The following KCNAB2 variants were observed in gnomAD, a reference collection of about 807,000 sequenced individuals.
KCNAB2 encodes the protein voltage-gated potassium channel subunit beta-2.
Under a neutral mutation model 63.6 loss-of-function variants are expected in KCNAB2, and 29 were observed. The ratio of observed to expected loss-of-function variants is 0.46; its 90% CI spans 0.34 to 0.62. The LOEUF is 0.62. KCNAB2 is among the 20% of genes least tolerant of loss of function. The pLI, the probability that KCNAB2 is intolerant of heterozygous loss-of-function variation, is 0.01. For synonymous variants in KCNAB2, 222 were observed against 224.2 expected (o/e 0.99, Z 0.09); for missense variants, 359 against 563.9 (o/e 0.64, Z 3.68).
chr1:6,046,840 G>T (rs896890586), intron 1 of KCNAB2, among the ~76,000 whole-genome samples: 2 of 152,200 alleles, frequency 1.3e-5, no homozygotes, highest in Non-Finnish European at 2.9e-5. Context: ...ATCTCAGGTT[G>T]TATGCTTTGT....
chr1:5,999,154 C>T (rs1657098105), intron 1 of KCNAB2, among the ~76,000 whole-genome samples: 1 of 152,258 alleles, frequency 6.6e-6, no homozygotes, highest in South Asian at 2.1e-4. Context: ...CGGGCTGGGG[C>T]TTAGCCTTGT....
At chr1:6,098,401 C>T (rs1394456394) in intron 15 of KCNAB2, 84 bp from the exon 16 acceptor site, 2 of 1,576,976 alleles carry the variant, frequency 1.3e-6, no homozygotes, top group Non-Finnish European at 1.7e-6. Context: ...AGCCGACCAT[C>T]TGGAAGAGCC....
chr1:6,050,488 T>C (rs1661292630), intron 1 of KCNAB2, among the ~76,000 whole-genome samples: 1 of 152,240 alleles, frequency 6.6e-6, no homozygotes, highest in South Asian at 2.1e-4. Flanking sequence ...GTCCACTCAC[T>C]GTTGTGCACA....
chr1:5,993,362 C>T (rs1426955763), intron 1 of KCNAB2, among the ~76,000 whole-genome samples: 1 of 152,032 alleles, frequency 6.6e-6, no homozygotes, highest in East Asian at 1.9e-4. Flanking sequence ...ACCACCTTAC[C>T]CTGCTCCCCA....
At chr1:6,012,782 G>A (rs1372769630) in intron 1 of KCNAB2, among the ~76,000 whole-genome samples, 1 of 151,830 alleles carries the variant, frequency 6.6e-6, no homozygotes, top group Non-Finnish European at 1.5e-5. Context: ...TGATTGAGAT[G>A]GAGGGGCAGA....
chr1:6,095,068 T>A (rs1557515430), intron 11 of KCNAB2, among the ~76,000 whole-genome samples: 1 of 152,240 alleles, frequency 6.6e-6, no homozygotes, highest in Non-Finnish European at 1.5e-5. Context: ...ACATCCAGGC[T>A]GTGTGGTTCA....
Position 6,096,967 on chromosome 1 carries a change from G to A in KCNAB2, c.1069+211G>A, listed in dbSNP as rs542237421. On this transcript the variant is annotated intron_variant, in intron 14 of 15. Coordinates refer to ENST00000378083, the MANE Select transcript of KCNAB2 (RefSeq NM_001199862.2). This position sits in a 1 kb window ranked among gnomAD's most constrained non-coding sequence, Gnocchi z 5.9. ...CTCTAGGGGGATGTCAGGAGTCCCT[G>A]AGGACCTGGGCCACCCCCTCCATCT... Among the ~76,000 whole-genome samples the A allele has an allele frequency of 1.3e-3, 202 of 152,264 alleles. No homozygotes were observed. Among genetic ancestry groups the A allele is most frequent in the African/African-American group, 4.6e-3 (191 of 41,564 alleles).
intron 1 of KCNAB2, among the ~76,000 whole-genome samples, chr1:6,027,980 T>C (rs1413268328): frequency 2.0e-5 from 3 of 152,254 alleles, no homozygotes; most frequent in Admixed American, 1.3e-4. Context: ...AGCCAAAGTC[T>C]GGATGGAGCT....
chr1:6,015,306 A>C (rs1363191076), intron 1 of KCNAB2, among the ~76,000 whole-genome samples: 1 of 152,126 alleles, frequency 6.6e-6, no homozygotes, highest in Non-Finnish European at 1.5e-5. Flanking sequence ...CTCAGATTAC[A>C]GGCGTGAGCC....
chr1:6,051,482 C>G, intron 1 of KCNAB2, 29 bp from the exon 2 acceptor site: 2 of 1,443,120 alleles, frequency 1.4e-6, no homozygotes, highest in Non-Finnish European at 1.8e-6. Flanking sequence ...GGCATTGGCA[C>G]ACTGTCTAAC....
intron 2 of KCNAB2, among the ~76,000 whole-genome samples, chr1:6,057,410 G>A (rs1661931024): frequency 6.6e-6 from 1 of 152,150 alleles, no homozygotes; most frequent in African/African-American, 2.4e-5. Context: ...ATCCAGGTGT[G>A]TCTTAAAGGA....
intron 1 of KCNAB2, among the ~76,000 whole-genome samples, chr1:6,050,001 A>T (rs1266305691): frequency 6.6e-6 from 1 of 152,132 alleles, no homozygotes; most frequent in Non-Finnish European, 1.5e-5. Context: ...GCTCATCACA[A>T]ACTCCTGCCC....
upstream of KCNAB2, among the ~76,000 whole-genome samples, chr1:6,033,366 T>C (rs1277741406): frequency 2.0e-5 from 3 of 151,436 alleles, no homozygotes; most frequent in African/African-American, 4.9e-5. Flanking sequence ...TGGGTGTGTG[T>C]GCATATGTGT....
chr1:6,046,241 T>C (rs1313517271), intron 1 of KCNAB2, 58 bp downstream of exon 1: 2 of 969,562 alleles, frequency 2.1e-6, no homozygotes, highest in Non-Finnish European at 2.5e-6. Context: ...GGGGCACGCA[T>C]CCGCGGGAAT....
chr1:6,000,900 A>C (rs979550520), intron 1 of KCNAB2, among the ~76,000 whole-genome samples: 1 of 152,092 alleles, frequency 6.6e-6, no homozygotes, highest in Admixed American at 6.5e-5. Flanking sequence ...GAGCGGGAGG[A>C]GGTGTATGGT....
Position 6,098,788 on chromosome 1 carries a change from C to G in KCNAB2, c.*214C>G. On this transcript the variant is annotated 3_prime_UTR_variant, in exon 16 of 16. Transcript: ENST00000378083. ...GAAGTCCAGTCTGTGCCGGGGAAGG[C>G]ACTGGTTAGGAAGGATGTTCAAACG... The G allele has an allele frequency of 1.7e-6, 1 of 586,398 alleles. No homozygotes were observed. Among genetic ancestry groups the G allele is most frequent in the Non-Finnish European group, 2.9e-6 (1 of 341,182 alleles). 36.3% of individuals were successfully genotyped at this position (586,398 alleles called of 1,614,324 possible).
upstream of KCNAB2, among the ~76,000 whole-genome samples, chr1:6,032,801 A>T (rs1345054954): frequency 6.6e-6 from 1 of 152,202 alleles, no homozygotes; most frequent in Non-Finnish European, 1.5e-5. Context: ...GGTTCAGCTA[A>T]ATTGAATCCT....
intron 7 of KCNAB2, among the ~76,000 whole-genome samples, chr1:6,088,407 T>C (rs900361813): frequency 6.6e-6 from 1 of 151,762 alleles, no homozygotes; most frequent in African/African-American, 2.4e-5. Flanking sequence ...TATTTTTATT[T>C]ATATTTTTAT....
chr1:6,038,170 C>CCT (rs1660208839), intron 1 of KCNAB2, among the ~76,000 whole-genome samples: 1 of 152,122 alleles, frequency 6.6e-6, no homozygotes, highest in South Asian at 2.1e-4. Flanking sequence ...ATCCACCATG[C>CCT]CTGGCCCAAA....
Sources: allele counts gnomAD v4.1 joint callset (sites outside exome capture counted in the v4.1 genomes callset), GRCh38; gene constraint gnomAD v4.1.1; non-coding constraint Gnocchi (gnomAD v3.1); transcripts MANE v1.5; gene names NCBI Gene and HGNC (gene_info 2026-07-23, HGNC 2026-07-21).